Variants in HECTD4 observed in about 807,000 individuals in gnomAD.
The protein encoded by HECTD4 is probable E3 ubiquitin-protein ligase HECTD4.
Under a neutral mutation model 471.5 loss-of-function variants are expected in HECTD4, and 114 were observed. The observed-to-expected ratio is 0.24, with a 90% CI of 0.21 to 0.28. The LOEUF is 0.28. Ranked by LOEUF, HECTD4 falls within the 10% of genes least tolerant of loss-of-function variation. The pLI is 1.00. For synonymous variants in HECTD4, 2,012 were observed against 2,256.0 expected (o/e 0.89, Z 3.07); for missense variants, 3,866 against 5,651.5 (o/e 0.68, Z 10.13).
chr12:112,207,895 T>C lies in HECTD4; in HGVS notation c.8110A>G (p.Ile2704Val). 6.2e-7 allele frequency: 1 copy of C among 1,613,992 alleles called. No homozygotes were observed. Among genetic ancestry groups the C allele is most frequent in the Non-Finnish European group, 8.5e-7 (1 of 1,179,878 alleles). ...EAERKSGLDQ[I>V]KGALQLGMVD... Reference sequence around the variant, plus strand: ...AGACCTAGTTGTAAGGCCCCCTTTATCTGGTCCAGGCCCGATTTCCGCTCT... The same window carrying C: ...AGACCTAGTTGTAAGGCCCCCTTTACCTGGTCCAGGCCCGATTTCCGCTCT... The change falls in exon 52 of 76, where the codon ATA (isoleucine) becomes GTA (valine). Residue 2704 changes from isoleucine (I) to valine (V), a missense_variant. By Grantham distance (29) the Ile-to-Val change is conservative. This residue lies in a region of HECTD4 where 266 missense variants were observed against 441.6 expected (regional missense o/e 0.60). Transcript: ENST00000682272.
In HECTD4 at chr12:112,291,779, G is replaced by A. The variant is rs550615514; in HGVS notation, c.1336-8477C>T. On this transcript the variant is annotated intron_variant, in intron 7 of 75. Coordinates refer to ENST00000682272, the MANE Select transcript of HECTD4 (RefSeq NM_001388303.1). ...CCCAGCTACTCGGGAGGCTGAGGCA[G>A]GAGAATGGCGTGAACCGGGGAGGCG... Among the ~76,000 whole-genome samples, 22 of 152,264 alleles carry A rather than the reference G, an allele frequency of 1.4e-4. No individual in the cohort carries two copies. In the East Asian group the frequency reaches 3.5e-3, roughly 24 times the overall value.
intron 5 of HECTD4, among the ~76,000 whole-genome samples, chr12:112,309,132 A>G (rs924124383): frequency 7.9e-5 from 12 of 152,244 alleles, no homozygotes; most frequent in Admixed American, 3.9e-4. Context: ...AAATGTATAC[A>G]AGGCTTTCAA....
chr12:112,381,592 G>C lies in HECTD4; in HGVS notation c.177+360C>G, dbSNP rs994054078. 6.6e-6 allele frequency among the ~76,000 whole-genome samples: 1 copy of C among 152,300 alleles called. No individual in the cohort carries two copies. Among genetic ancestry groups the C allele is most frequent in the African/African-American group, 2.4e-5 (1 of 41,576 alleles). ...CAACCTGGGTGTGCCCTGGAAGTGGGTCCTGGGGGCCCGTGGGGGAGGGGA... is the reference window on the plus strand; with the variant it reads ...CAACCTGGGTGTGCCCTGGAAGTGGCTCCTGGGGGCCCGTGGGGGAGGGGA... On this transcript the variant is annotated intron_variant, in intron 1 of 75. Coordinates refer to ENST00000682272, the MANE Select transcript of HECTD4 (RefSeq NM_001388303.1). The surrounding 1 kb of genome is among the most constrained non-coding windows in gnomAD (Gnocchi z 4.1).
At chr12:112,352,846 A>G (rs1357146177) in intron 1 of HECTD4, among the ~76,000 whole-genome samples, 1 of 152,260 alleles carries the variant, frequency 6.6e-6, no homozygotes, top group East Asian at 1.9e-4. Context: ...GGCTCAAGTT[A>G]TGCTCTTGCC....
chr12:112,179,403 G>GCATC lies in HECTD4; in HGVS notation c.10988-7_10988-6insGATG. On this transcript the variant is annotated splice_region_variant and splice_polypyrimidine_tract_variant and intron_variant, in intron 62 of 75. Coordinates refer to ENST00000682272, the MANE Select transcript of HECTD4 (RefSeq NM_001388303.1). The surrounding 1 kb of genome is among the most constrained non-coding windows in gnomAD (Gnocchi z 4.3). Reference sequence around the variant, plus strand: ...TCCGGGCACCAGCTTCTCCCCTGTTGGATGGAGAGGGGGCAAAACAATTCT... The same window carrying GCATC: ...TCCGGGCACCAGCTTCTCCCCTGTTGCATCGATGGAGAGGGGGCAAAACAATTCT... 1.2e-6 allele frequency: 2 copies of GCATC among 1,604,508 alleles called. No individual in the cohort carries two copies. The highest frequency in any genetic ancestry group is 2.7e-5 in the African/African-American group (2 of 74,910).
At chr12:112,364,907 C>T (rs1187553766) in intron 1 of HECTD4, among the ~76,000 whole-genome samples, 1 of 152,132 alleles carries the variant, frequency 6.6e-6, no homozygotes, top group African/African-American at 2.4e-5. Flanking sequence ...TCACAGAGCC[C>T]TAGAAGGCTT....
At chr12:112,191,859 G>C (rs369475054) in intron 59 of HECTD4, among the ~76,000 whole-genome samples, 4 of 152,162 alleles carry the variant, frequency 2.6e-5, no homozygotes, top group Non-Finnish European at 4.4e-5. Flanking sequence ...AGAAGCCCAG[G>C]CCTGTTATTT....
intron 69 of HECTD4, 164 bp downstream of exon 69, chr12:112,170,169 T>C: frequency 1.0e-6 from 1 of 972,804 alleles, no homozygotes; most frequent in South Asian, 1.6e-5. Context: ...CCTGAGCTCC[T>C]GAGGGGACCT....
chr12:112,282,984 G>A, intron 8 of HECTD4, 126 bp downstream of exon 8: 4 of 636,500 alleles, frequency 6.3e-6, no homozygotes, highest in East Asian at 5.6e-5. Flanking sequence ...GACAATGACT[G>A]GAAGACCAAA....
At chr12:112,221,789 C>G (rs1361547720) in intron 44 of HECTD4, among the ~76,000 whole-genome samples, 2 of 150,734 alleles carry the variant, frequency 1.3e-5, no homozygotes, top group Non-Finnish European at 3.0e-5. Context: ...GAGTCTCGCT[C>G]TGTCAACCAG....
At chr12:112,216,192 C>A in intron 48 of HECTD4, 100 bp downstream of exon 48, 1 of 776,278 alleles carries the variant, frequency 1.3e-6, no homozygotes, top group Non-Finnish European at 2.2e-6. Context: ...TGACAAACTG[C>A]CCATTTCCAA....
chr12:112,183,419 A>G (rs1390790761), intron 61 of HECTD4, among the ~76,000 whole-genome samples, 153 bp from the exon 62 acceptor site: 2 of 152,144 alleles, frequency 1.3e-5, no homozygotes, highest in African/African-American at 4.8e-5. Flanking sequence ...CCTCCTGGGA[A>G]ACTTTCTCCC....
intron 1 of HECTD4, among the ~76,000 whole-genome samples, chr12:112,372,115 T>G (rs1266656249): frequency 2.0e-5 from 3 of 151,564 alleles, no homozygotes; most frequent in Non-Finnish European, 4.4e-5. Context: ...TTTTTTTTTT[T>G]TTTTTTAATA....
At chr12:112,361,287 A>C (rs2036443661) in intron 1 of HECTD4, among the ~76,000 whole-genome samples, 1 of 151,572 alleles carries the variant, frequency 6.6e-6, no homozygotes, top group African/African-American at 2.4e-5. Flanking sequence ...CTTCTTATTT[A>C]CCCTTTTTTT....
rs994753511 is a variant in HECTD4 at position 112,309,033 on chromosome 12, A to C, written c.1026-142T>G. 5 of 884,140 alleles carry C rather than the reference A, an allele frequency of 5.7e-6. No homozygotes were observed. The African/African-American group carries it at 8.5e-5, about 15-fold the overall frequency. 54.8% of individuals were successfully genotyped at this position (884,140 alleles called of 1,614,324 possible). A position where few individuals can be genotyped will look rare whatever the true frequency, so the allele number is the denominator to read the frequency against. On this transcript the variant is annotated intron_variant, in intron 5 of 75. Coordinates refer to ENST00000682272, the MANE Select transcript of HECTD4 (RefSeq NM_001388303.1). Reference sequence around the variant, plus strand: ...AAAACATCTGAAGGAAAGTGAATGTATTACATTAACTTCAGGACTGCCAAA... The same window carrying C: ...AAAACATCTGAAGGAAAGTGAATGTCTTACATTAACTTCAGGACTGCCAAA...
At chr12:112,349,503 C>CT (rs1388012608) in intron 1 of HECTD4, among the ~76,000 whole-genome samples, 3 of 151,570 alleles carry the variant, frequency 2.0e-5, no homozygotes, top group Admixed American at 6.6e-5. Context: ...ATGTTATTTC[C>CT]TTATCAAGTT....
At chr12:112,299,574 G>T (rs1366244859) in intron 7 of HECTD4, among the ~76,000 whole-genome samples, 1 of 152,138 alleles carries the variant, frequency 6.6e-6, no homozygotes, top group African/African-American at 2.4e-5. Context: ...AGTGAGCCGA[G>T]ATCTAGCCAC....
intron 70 of HECTD4, 116 bp from the exon 71 acceptor site, chr12:112,168,033 T>C (rs2031052171): frequency 1.2e-6 from 1 of 833,538 alleles, no homozygotes; most frequent in Admixed American, 2.0e-5. Flanking sequence ...TACCTGCCGC[T>C]GTGGCGGGGT....
At chr12:112,182,780 G>C (rs1345424310) in intron 62 of HECTD4, among the ~76,000 whole-genome samples, 1 of 152,280 alleles carries the variant, frequency 6.6e-6, no homozygotes, top group Non-Finnish European at 1.5e-5. Flanking sequence ...CGCCCTGACA[G>C]CTGGGAGAAG....
Sources: gnomAD v4.1 joint callset for allele counts (sites outside exome capture counted in the v4.1 genomes callset) on GRCh38, gnomAD v4.1.1 for gene constraint, gnomAD v4.1.1 regional missense constraint, Gnocchi (gnomAD v3.1) non-coding constraint, MANE v1.5 for transcripts, NCBI Gene and HGNC (gene_info 2026-07-23, HGNC 2026-07-21) for gene names.